The following EXT2 variants were observed in gnomAD, a reference collection of about 807,000 sequenced individuals.
EXT2 encodes the protein exostosin-2.
In EXT2, 53 loss-of-function variants were observed where a neutral mutation model predicts 81.6. That is an observed-to-expected ratio of 0.65 (90% CI 0.52 to 0.82). EXT2 has a LOEUF of 0.82. Ranked by LOEUF, EXT2 falls within the 40% of genes least tolerant of loss-of-function variation. The pLI is 0.00. For missense variants in EXT2, 774 were observed against 910.2 expected (o/e 0.85, Z 1.93); for synonymous variants, 320 against 340.0 (o/e 0.94, Z 0.65).
At chr11:44,101,944 T>TAAAAAAAA (rs71035677) in intron 1 of EXT2, among the ~76,000 whole-genome samples, 1 of 131,148 alleles carries the variant, frequency 7.6e-6, no homozygotes. Flanking sequence ...GTATAATCAG[T>TAAAAAAAA]AAAAAAAAAA....
chr11:44,133,155 A>G (rs1954518040), intron 7 of EXT2, among the ~76,000 whole-genome samples: 1 of 152,244 alleles, frequency 6.6e-6, no homozygotes, highest in Admixed American at 6.5e-5. Flanking sequence ...ATAGATAGTT[A>G]ATGTCTCATC....
intron 7 of EXT2, among the ~76,000 whole-genome samples, chr11:44,160,899 A>G (rs1272982663): frequency 1.3e-5 from 2 of 152,194 alleles, no homozygotes; most frequent in Admixed American, 1.3e-4. Flanking sequence ...TTCTTAGCCA[A>G]TCTATGGAAA....
At chr11:44,131,081 T>C (rs1954486222) in intron 7 of EXT2, among the ~76,000 whole-genome samples, 1 of 152,212 alleles carries the variant, frequency 6.6e-6, no homozygotes. Context: ...AACCCCACTC[T>C]TCCCCTGACT....
intron 6 of EXT2, 151 bp downstream of exon 6, chr11:44,127,106 C>T (rs1366953944): frequency 9.2e-7 from 1 of 1,085,996 alleles, no homozygotes; most frequent in Non-Finnish European, 1.4e-6. Context: ...GTACACTGGT[C>T]TAGAGCAGTT....
At chr11:44,096,638 T>G (rs1426522429) in intron 1 of EXT2, among the ~76,000 whole-genome samples, 1 of 152,150 alleles carries the variant, frequency 6.6e-6, no homozygotes, top group Non-Finnish European at 1.5e-5. Context: ...CGGGACTAGG[T>G]GGCCAGAAGC....
chr11:44,136,595 G>A (rs767990156), intron 7 of EXT2, among the ~76,000 whole-genome samples: 64 of 152,282 alleles, frequency 4.2e-4, no homozygotes, highest in African/African-American at 7.0e-4. Flanking sequence ...TGTGGAAAAG[G>A]TTTCACTCTA....
At chr11:44,143,968 A>G (rs1954681109) in intron 7 of EXT2, among the ~76,000 whole-genome samples, 2 of 151,912 alleles carry the variant, frequency 1.3e-5, no homozygotes, top group East Asian at 3.9e-4. Context: ...TGAGCTTTTG[A>G]TTTCTCCCGT....
At chr11:44,214,294 T>C (rs1458162158) in intron 10 of EXT2, among the ~76,000 whole-genome samples, 2 of 152,092 alleles carry the variant, frequency 1.3e-5, no homozygotes, top group Non-Finnish European at 2.9e-5. Flanking sequence ...TTTTGTATTT[T>C]TAGTAGAGAC....
intron 9 of EXT2, among the ~76,000 whole-genome samples, chr11:44,200,528 GC>G (rs1230786102): frequency 6.6e-6 from 1 of 152,082 alleles, no homozygotes; most frequent in African/African-American, 2.4e-5. Context: ...AACATCAGGA[GC>G]CCCCCAGCTT....
intron 12 of EXT2, among the ~76,000 whole-genome samples, 157 bp from the exon 13 acceptor site, chr11:44,236,136 G>C (rs1176423035): frequency 6.6e-6 from 1 of 152,196 alleles, no homozygotes; most frequent in Non-Finnish European, 1.5e-5. Flanking sequence ...GAGCCAGACA[G>C]AGTTGAATGG....
At chr11:44,167,589 T>A (rs972303616) in intron 7 of EXT2, among the ~76,000 whole-genome samples, 1 of 152,132 alleles carries the variant, frequency 6.6e-6, no homozygotes, top group African/African-American at 2.4e-5. Flanking sequence ...TAAGTTACAG[T>A]CTTAGGAGGA....
chr11:44,152,975 G>T (rs564782668), intron 7 of EXT2, among the ~76,000 whole-genome samples: 3 of 152,102 alleles, frequency 2.0e-5, no homozygotes, highest in Non-Finnish European at 4.4e-5. Flanking sequence ...TTCTGACTTT[G>T]TTCTTCAATA....
chr11:44,207,766 T>C (rs1453477255), intron 10 of EXT2, among the ~76,000 whole-genome samples: 1 of 152,216 alleles, frequency 6.6e-6, no homozygotes, highest in Non-Finnish European at 1.5e-5. Flanking sequence ...TTTTTAAAAA[T>C]GAAGCTATAT....
chr11:44,235,006 C>T (rs1218046599), intron 12 of EXT2, among the ~76,000 whole-genome samples: 1 of 152,120 alleles, frequency 6.6e-6, no homozygotes, highest in Non-Finnish European at 1.5e-5. Context: ...CAGCATTATC[C>T]ATTGATTCCT....
At chr11:44,129,866 C>T (rs971252313) in intron 6 of EXT2, among the ~76,000 whole-genome samples, 179 bp from the exon 7 acceptor site, 6 of 152,078 alleles carry the variant, frequency 3.9e-5, no homozygotes, top group Admixed American at 1.3e-4. Flanking sequence ...AAGAGAACTC[C>T]TTTGAGAAGT....
intron 4 of EXT2, 89 bp from the exon 5 acceptor site, chr11:44,124,696 CACTT>C (rs1954371500): frequency 8.1e-6 from 8 of 992,668 alleles, no homozygotes; most frequent in Admixed American, 1.9e-5. Context: ...GGTAAGGAAA[CACTT>C]ACTGTCATAA....
intron 7 of EXT2, among the ~76,000 whole-genome samples, chr11:44,165,501 AT>A (rs1424906950): frequency 6.6e-6 from 1 of 152,210 alleles, no homozygotes; most frequent in African/African-American, 2.4e-5. Context: ...GTGAATTGCA[AT>A]TTGGTGGACA....
At position 44,246,877 on chromosome 11, in the gene EXT2, G is replaced by A. The variant is rs115964457; in HGVS notation, c.*2590G>A. Among the ~76,000 whole-genome samples the A allele has an allele frequency of 1.0e-3, 155 of 152,320 alleles. No individual in the cohort carries two copies. The highest frequency in any genetic ancestry group is 3.5e-3 in the African/African-American group (144 of 41,568). On this transcript the variant is annotated 3_prime_UTR_variant, in exon 14 of 14. Transcript: ENST00000533608. ...GCAGAACAATCATGCTAATTAAAAT[G>A]TCGTGTTCTGGCCTACAGCAGACAA...
At chr11:44,191,027 C>T (rs938413782) in intron 8 of EXT2, among the ~76,000 whole-genome samples, 3 of 152,194 alleles carry the variant, frequency 2.0e-5, no homozygotes, top group African/African-American at 7.2e-5. Context: ...TCTCCCAAGG[C>T]CTTTCCTTCA....
Sources: allele counts gnomAD v4.1 joint callset (sites outside exome capture counted in the v4.1 genomes callset), GRCh38; gene constraint gnomAD v4.1.1; transcripts MANE v1.5; gene names NCBI Gene and HGNC (gene_info 2026-07-23, HGNC 2026-07-21).